The following EEFSEC variants were observed in gnomAD, a reference collection of about 807,000 sequenced individuals.
EEFSEC encodes the protein eukaryotic elongation factor, selenocysteine-tRNA specific.
A neutral mutation model predicts 42.1 loss-of-function variants in EEFSEC; 43 were observed. The ratio of observed to expected loss-of-function variants is 1.02; its 90% CI spans 0.80 to 1.32. EEFSEC has a LOEUF of 1.32. Ranked by LOEUF, EEFSEC falls within the 40% of genes most tolerant of loss-of-function variation. The probability of loss-of-function intolerance (pLI) is 0.00; values close to 1 mark genes in which losing one functional copy is unlikely to be tolerated. For missense variants in EEFSEC, 745 were observed against 803.6 expected (o/e 0.93, Z 0.88); for synonymous variants, 354 against 339.1 (o/e 1.04, Z -0.48).
At chr3:128,197,430 C>A (rs1490729931) in intron 1 of EEFSEC, among the ~76,000 whole-genome samples, 1 of 152,134 alleles carries the variant, frequency 6.6e-6, no homozygotes, top group Non-Finnish European at 1.5e-5. Context: ...GCCATCACGC[C>A]CAGCTAATTT....
At chr3:128,262,011 G>A in intron 2 of EEFSEC, 117 bp from the exon 3 acceptor site, 2 of 911,520 alleles carry the variant, frequency 2.2e-6, no homozygotes, top group East Asian at 4.8e-5. Context: ...CTTGGTTGAT[G>A]TGGGGAGAGA....
At chr3:128,312,464 T>C (rs1409137695) in intron 4 of EEFSEC, among the ~76,000 whole-genome samples, 1 of 152,274 alleles carries the variant, frequency 6.6e-6, no homozygotes, top group East Asian at 1.9e-4. Flanking sequence ...GTCACCAGAC[T>C]GCGCTGGAAT....
chr3:128,224,328 G>A (rs1278785054), intron 1 of EEFSEC, among the ~76,000 whole-genome samples: 1 of 152,122 alleles, frequency 6.6e-6, no homozygotes, highest in Non-Finnish European at 1.5e-5. Context: ...TGTATAAGAG[G>A]CCCATCATTT....
At chr3:128,301,855 T>A (rs1354534331) in intron 4 of EEFSEC, among the ~76,000 whole-genome samples, 1 of 151,928 alleles carries the variant, frequency 6.6e-6, no homozygotes, top group Non-Finnish European at 1.5e-5. Context: ...AGAACTCCCA[T>A]GGGGGGCAGG....
intron 1 of EEFSEC, among the ~76,000 whole-genome samples, chr3:128,213,557 C>A (rs1407276207): frequency 6.6e-6 from 1 of 152,048 alleles, no homozygotes; most frequent in Non-Finnish European, 1.5e-5. Context: ...AACTGCCTTA[C>A]ACAGTGCCAG....
chr3:128,403,542 C>T (rs576923018), intron 6 of EEFSEC, among the ~76,000 whole-genome samples: 6 of 152,270 alleles, frequency 3.9e-5, no homozygotes, highest in South Asian at 2.1e-4. Context: ...GCCTTGTCAC[C>T]GCCTTCCCGC....
chr3:128,321,454 CTCCCT>C (rs908849985), intron 4 of EEFSEC, among the ~76,000 whole-genome samples: 1 of 152,112 alleles, frequency 6.6e-6, no homozygotes, highest in Non-Finnish European at 1.5e-5. Flanking sequence ...ACCTGTCCCT[CTCCCT>C]TCCTGTTCAG....
chr3:128,239,052 G>C (rs1222269254), intron 1 of EEFSEC, among the ~76,000 whole-genome samples: 1 of 152,220 alleles, frequency 6.6e-6, no homozygotes, highest in East Asian at 1.9e-4. Flanking sequence ...GATTTGGCCA[G>C]GATGTTTGTG....
At chr3:128,165,851 C>G (rs772340194) in intron 1 of EEFSEC, among the ~76,000 whole-genome samples, 4 of 152,190 alleles carry the variant, frequency 2.6e-5, no homozygotes, top group Non-Finnish European at 5.9e-5. Context: ...GCTTAGAGCT[C>G]CAGAGGGTCA....
chr3:128,421,682 G>C, the EEFSEC span, among the ~76,000 whole-genome samples: 59 of 149,616 alleles, frequency 3.9e-4, no homozygotes, highest in East Asian at 7.2e-3. Context: ...TGAGCGGGGT[G>C]GGGGGGCGCA....
intron 4 of EEFSEC, among the ~76,000 whole-genome samples, chr3:128,281,954 G>C (rs942208106): frequency 6.6e-6 from 1 of 152,214 alleles, no homozygotes. Context: ...TTTGGCTCTG[G>C]AGCCTGAATG....
At chr3:128,235,552 C>T (rs931206970) in intron 1 of EEFSEC, among the ~76,000 whole-genome samples, 2 of 152,140 alleles carry the variant, frequency 1.3e-5, no homozygotes, top group South Asian at 2.1e-4. Flanking sequence ...ATTCCAAAGA[C>T]ACTTCATGAT....
intron 1 of EEFSEC, among the ~76,000 whole-genome samples, chr3:128,186,423 T>G (rs1273444313): frequency 1.3e-5 from 2 of 152,364 alleles, no homozygotes; most frequent in Admixed American, 1.3e-4. Flanking sequence ...AGCTTTTAAT[T>G]TTTGAAACAT....
At chr3:128,221,295 C>T (rs751553197) in intron 1 of EEFSEC, among the ~76,000 whole-genome samples, 4 of 152,200 alleles carry the variant, frequency 2.6e-5, no homozygotes, top group Admixed American at 6.5e-5. Flanking sequence ...GTCAAATTCT[C>T]AGCAGGGAAT....
chr3:128,340,127 G>A (rs185721302), intron 4 of EEFSEC, among the ~76,000 whole-genome samples: 84 of 152,210 alleles, frequency 5.5e-4, no homozygotes, highest in Admixed American at 5.2e-3. Context: ...CTGCCTCGGT[G>A]TATTCCCAGA....
rs1559906625 is a variant in EEFSEC, at chr3:128,293,675, A to AC, written c.786+28894_786+28895insC. ...GACTCTATCTCAAAAAAAAAAAAAA[A>AC]AAAAAAAAAAAACTTCCCTTATAGG... On this transcript the variant is annotated intron_variant, in intron 4 of 6. Coordinates refer to ENST00000254730, the MANE Select transcript of EEFSEC (RefSeq NM_021937.5). Among the ~76,000 whole-genome samples, 6 of 150,002 alleles carry AC rather than the reference A, an allele frequency of 4.0e-5. 1 individual carries two copies. The highest frequency in any genetic ancestry group is 5.9e-5 in the Non-Finnish European group (4 of 67,502).
At chr3:128,180,685 A>G (rs962838020) in intron 1 of EEFSEC, among the ~76,000 whole-genome samples, 2 of 152,220 alleles carry the variant, frequency 1.3e-5, no homozygotes, top group Non-Finnish European at 2.9e-5. Context: ...CAGGCCCTGC[A>G]TCGATGGGAC....
chr3:128,298,530 T>C (rs2066733621), intron 4 of EEFSEC, among the ~76,000 whole-genome samples: 1 of 152,250 alleles, frequency 6.6e-6, no homozygotes, highest in Admixed American at 6.5e-5. Flanking sequence ...TGTGTAATGA[T>C]CAAATTAAGG....
chr3:128,298,698 CTG>C (rs999018003), intron 4 of EEFSEC, among the ~76,000 whole-genome samples: 6 of 152,194 alleles, frequency 3.9e-5, no homozygotes, highest in East Asian at 1.9e-4. Flanking sequence ...CTGTCTAACT[CTG>C]TAACAATTAA....
Sources: gnomAD v4.1 joint callset for allele counts (sites outside exome capture counted in the v4.1 genomes callset) on GRCh38, gnomAD v4.1.1 for gene constraint, MANE v1.5 for transcripts, NCBI Gene and HGNC (gene_info 2026-07-23, HGNC 2026-07-21) for gene names.